Variants in KMT2C observed in about 807,000 individuals in gnomAD.
The protein encoded by KMT2C is histone-lysine N-methyltransferase 2C.
In KMT2C, 88 loss-of-function variants were observed where a neutral mutation model predicts 507.9. That is an observed-to-expected ratio of 0.17 (90% CI 0.15 to 0.21). The LOEUF is 0.21. KMT2C is among the 10% of genes least tolerant of loss of function. The pLI, the probability that KMT2C is intolerant of heterozygous loss-of-function variation, is 1.00. For missense variants in KMT2C, 4,954 were observed against 5,957.8 expected (o/e 0.83, Z 5.55); for synonymous variants, 2,049 against 2,080.8 (o/e 0.98, Z 0.42).
intron 1 of KMT2C, among the ~76,000 whole-genome samples, chr7:152,432,604 C>T (rs2097873281): frequency 6.6e-6 from 1 of 152,146 alleles, no homozygotes; most frequent in African/African-American, 2.4e-5. Context: ...AGATTAATAG[C>T]TTCAGTTCAA....
intron 9 of KMT2C, among the ~76,000 whole-genome samples, chr7:152,259,446 G>GCGCGCGCACACACACA (rs1188729137): frequency 3.0e-5 from 4 of 134,688 alleles, no homozygotes; most frequent in African/African-American, 1.1e-4. Context: ...ACACACACGC[G>GCGCGCGCACACACACA]CACACACACA....
chr7:152,179,754 A>G lies in KMT2C; in HGVS notation c.7442+80T>C, dbSNP rs1185923750. The G allele has an allele frequency of 5.2e-6, 7 of 1,345,272 alleles. No homozygotes were observed. The Admixed American group carries it at 7.4e-5, about 14-fold the overall frequency. 83.3% of individuals were successfully genotyped at this position (1,345,272 alleles called of 1,614,324 possible). On this transcript the variant is annotated intron_variant, in intron 37 of 58. Coordinates refer to ENST00000262189, the MANE Select transcript of KMT2C (RefSeq NM_170606.3). ...CCTGCCTCAGCTAGTAGCTAGGATT[A>G]CAGGCACAAGCCACCACACCCAGCT...
chr7:152,359,643 C>T (rs1399162919), intron 1 of KMT2C, among the ~76,000 whole-genome samples: 2 of 150,138 alleles, frequency 1.3e-5, no homozygotes, highest in Non-Finnish European at 3.0e-5. Flanking sequence ...AACATGGTGG[C>T]GTGCCAGTAA....
intron 1 of KMT2C, among the ~76,000 whole-genome samples, chr7:152,368,938 A>T (rs1324358005): frequency 6.6e-6 from 1 of 151,956 alleles, no homozygotes; most frequent in Non-Finnish European, 1.5e-5. Context: ...TTAATACAGG[A>T]GAACATTTTA....
At chr7:152,298,656 A>G (rs544054786) in intron 6 of KMT2C, among the ~76,000 whole-genome samples, 6 of 152,362 alleles carry the variant, frequency 3.9e-5, no homozygotes, top group Middle Eastern at 3.4e-3. Context: ...TATTCTCCAG[A>G]AACAAAATGA....
intron 1 of KMT2C, among the ~76,000 whole-genome samples, chr7:152,413,203 C>G (rs568487909): frequency 6.6e-6 from 1 of 152,272 alleles, no homozygotes; most frequent in South Asian, 2.1e-4. Context: ...CAGCCTCGAC[C>G]TCCTGGGTTC....
chr7:152,184,054 A>AG (rs1261986593), intron 34 of KMT2C, among the ~76,000 whole-genome samples: 1 of 150,630 alleles, frequency 6.6e-6, no homozygotes, highest in Non-Finnish European at 1.5e-5. Context: ...CCTGGGCAAC[A>AG]ACTGTGAAGC....
chr7:152,169,234 G>C lies in KMT2C; in HGVS notation c.9469C>G (p.His3157Asp). Residue 3157 changes from histidine (H) to aspartate (D), a missense_variant, in exon 41 of 59, where the codon CAT becomes GAT. Around this residue, in one of 29 missense-constraint regions of KMT2C, gnomAD observed 71 missense variants for 139.2 expected, o/e 0.51. Transcript: ENST00000262189. ...GGAGGATTAGGCCTAGAAATCTGAT[G>C]TGTTATACTGCCATCCTAAAATAAG... Reference protein sequence around the residue: ...QAIPQDGSITHQISRPNPPNF... With the variant: ...QAIPQDGSITDQISRPNPPNF... 1.3e-6 allele frequency: 2 copies of C among 1,594,232 alleles called. No individual in the cohort carries two copies. Among genetic ancestry groups the C allele is most frequent in the East Asian group, 2.2e-5 (1 of 44,762 alleles).
chr7:152,270,855 T>A (rs1361573565), intron 7 of KMT2C, among the ~76,000 whole-genome samples: 2 of 152,148 alleles, frequency 1.3e-5, no homozygotes, highest in Non-Finnish European at 2.9e-5. Context: ...CTGAAGAAAA[T>A]CTTGGCCTTC....
intron 1 of KMT2C, among the ~76,000 whole-genome samples, chr7:152,397,607 G>T (rs1438270483): frequency 6.6e-6 from 1 of 152,030 alleles, no homozygotes; most frequent in Non-Finnish European, 1.5e-5. Context: ...TAACACACTT[G>T]ATATGGTTTG....
intron 31 of KMT2C, among the ~76,000 whole-genome samples, chr7:152,192,422 A>G (rs1361079939): frequency 6.6e-6 from 1 of 152,030 alleles, no homozygotes; most frequent in East Asian, 1.9e-4. Context: ...GGCACCTGTA[A>G]TCCCAGCTAC....
intron 2 of KMT2C, among the ~76,000 whole-genome samples, chr7:152,355,614 A>C (rs369258119): frequency 1.1e-4 from 17 of 151,992 alleles, no homozygotes; most frequent in Non-Finnish European, 1.8e-4. Flanking sequence ...GTCAAGTTTT[A>C]AAAAAAAGTT....
intron 1 of KMT2C, among the ~76,000 whole-genome samples, chr7:152,373,664 A>T (rs1313881852): frequency 6.6e-6 from 1 of 152,236 alleles, no homozygotes; most frequent in Non-Finnish European, 1.5e-5. Flanking sequence ...TTATCAACTG[A>T]AATGTTAAAA....
chr7:152,300,419 G>A (rs565740243), intron 6 of KMT2C, among the ~76,000 whole-genome samples: 115 of 152,310 alleles, frequency 7.6e-4, no homozygotes, highest in Admixed American at 2.7e-3. Context: ...TAGGCAGAGA[G>A]TACACCTACA....
intron 8 of KMT2C, among the ~76,000 whole-genome samples, chr7:152,264,300 C>G (rs1170071859): frequency 2.6e-5 from 4 of 152,098 alleles, no homozygotes; most frequent in Non-Finnish European, 5.9e-5. Context: ...CTGGTTACAA[C>G]AAAAATTCTC....
chr7:152,264,802 C>A (rs1216649819), intron 8 of KMT2C, among the ~76,000 whole-genome samples: 1 of 151,136 alleles, frequency 6.6e-6, no homozygotes, highest in Non-Finnish European at 1.5e-5. Flanking sequence ...TTTGTTTAGA[C>A]TTCTTTCAAA....
At chr7:152,157,780 T>C (rs1470238889) in intron 44 of KMT2C, 2 of 1,296,410 alleles carry the variant, frequency 1.5e-6, no homozygotes, top group Non-Finnish European at 1.0e-6. Context: ...CAACTGAGAA[T>C]AGTAGTCCGA....
chr7:152,167,039 A>T, intron 42 of KMT2C, 107 bp downstream of exon 42: 3 of 849,270 alleles, frequency 3.5e-6, no homozygotes, highest in Non-Finnish European at 5.6e-6. Context: ...AATGCCATTT[A>T]ATACTAGTCA....
At position 152,194,082 on chromosome 7, in the gene KMT2C, A is replaced by C. The variant is rs779663580; in HGVS notation, c.4587T>G (p.Ser1529Arg). The C allele has an allele frequency of 1.3e-5, 20 of 1,594,794 alleles. No individual in the cohort carries two copies. The highest frequency in any genetic ancestry group is 1.7e-5 in the Non-Finnish European group (20 of 1,173,958). Residue 1529 changes from serine to arginine, a missense_variant, in exon 31 of 59, where the codon AGT (serine) becomes AGG (arginine). Physicochemically the swap from Ser to Arg is moderately radical, Grantham distance 110 (BLOSUM62 -1). This residue lies in a region of KMT2C where 195 missense variants were observed against 183.7 expected (regional missense o/e 1.06). Coordinates refer to ENST00000262189, the MANE Select transcript of KMT2C (RefSeq NM_170606.3). ...ATGGAGTTGGCTGAGTGTTCGCAGG[A>C]CTAAGTACAGCTGTAAATAAGTCTT... ...DVEDLFTAVL[S>R]PANTQPTPLP... is the part of the protein sequence containing the mutation.
Sources: allele counts gnomAD v4.1 joint callset (sites outside exome capture counted in the v4.1 genomes callset), GRCh38; gene constraint gnomAD v4.1.1; regional missense constraint gnomAD v4.1.1; transcripts MANE v1.5; gene names NCBI Gene and HGNC (gene_info 2026-07-23, HGNC 2026-07-21).